The following DGKI variants were observed in gnomAD, a reference collection of about 807,000 sequenced individuals.
DGKI encodes the protein diacylglycerol kinase iota, also known as DAG kinase iota.
A neutral mutation model predicts 147.5 loss-of-function variants in DGKI; 55 were observed. That is an observed-to-expected ratio of 0.37 (90% CI 0.30 to 0.47). The LOEUF (loss-of-function observed/expected upper bound fraction) is 0.47, where lower values mean the gene tolerates loss of function less well. Among genes scored for constraint, DGKI ranks in the 20% least tolerant of loss-of-function variants. The pLI is 1.00. For missense variants in DGKI, 1,007 were observed against 1,323.8 expected (o/e 0.76, Z 3.71); for synonymous variants, 469 against 477.1 (o/e 0.98, Z 0.22).
intron 20 of DGKI, among the ~76,000 whole-genome samples, chr7:137,526,021 T>C (rs1436260270): frequency 6.6e-6 from 1 of 151,990 alleles, no homozygotes; most frequent in Non-Finnish European, 1.5e-5. Flanking sequence ...TCGGGGGAAG[T>C]GCATAGAGAT....
chr7:137,537,661 T>C (rs567761508), intron 20 of DGKI, among the ~76,000 whole-genome samples: 1 of 152,160 alleles, frequency 6.6e-6, no homozygotes, highest in Non-Finnish European at 1.5e-5. Context: ...TGGACAGATT[T>C]CTGCCCCAGA....
chr7:137,652,107 G>C (rs759654006), intron 5 of DGKI, among the ~76,000 whole-genome samples: 1 of 152,138 alleles, frequency 6.6e-6, no homozygotes, highest in Admixed American at 6.5e-5. Context: ...ACAGTTTGTG[G>C]CTAAGGAATG....
intron 1 of DGKI, among the ~76,000 whole-genome samples, chr7:137,697,941 GCTAT>G (rs991878795): frequency 1.3e-5 from 2 of 151,106 alleles, no homozygotes; most frequent in African/African-American, 2.4e-5. Context: ...TGTATATATA[GCTAT>G]CTATCTATCT....
chr7:137,768,855 C>T (rs910954186), intron 1 of DGKI, among the ~76,000 whole-genome samples: 1 of 152,134 alleles, frequency 6.6e-6, no homozygotes. Flanking sequence ...ATTCAATGGT[C>T]TATATGGCGG....
chr7:137,816,404 T>C (rs1025532962), intron 1 of DGKI, among the ~76,000 whole-genome samples: 4 of 152,196 alleles, frequency 2.6e-5, no homozygotes, highest in African/African-American at 9.7e-5. Flanking sequence ...AGTTAATACA[T>C]GCAAAATGCT....
At chr7:137,706,737 T>C (rs1428512109) in intron 1 of DGKI, among the ~76,000 whole-genome samples, 1 of 152,002 alleles carries the variant, frequency 6.6e-6, no homozygotes, top group Non-Finnish European at 1.5e-5. Context: ...CATACCTGGC[T>C]ACTTTTTTGT....
At chr7:137,719,656 T>C (rs981648269) in intron 1 of DGKI, among the ~76,000 whole-genome samples, 1 of 152,220 alleles carries the variant, frequency 6.6e-6, no homozygotes, top group Non-Finnish European at 1.5e-5. Context: ...ATACGTATTA[T>C]ACTTTCAATA....
chr7:137,517,204 A>T (rs1044487737), intron 21 of DGKI, among the ~76,000 whole-genome samples: 11 of 149,480 alleles, frequency 7.4e-5, no homozygotes, highest in Non-Finnish European at 1.5e-5. Context: ...AAAAGAAAAG[A>T]AAAGTAAAGA....
At chr7:137,530,159 G>A (rs908343145) in intron 20 of DGKI, among the ~76,000 whole-genome samples, 2 of 152,136 alleles carry the variant, frequency 1.3e-5, no homozygotes, top group African/African-American at 4.8e-5. Context: ...ATACAATATT[G>A]TTACTTTCTC....
chr7:137,712,110 A>G (rs1342935664), intron 1 of DGKI, among the ~76,000 whole-genome samples: 1 of 152,196 alleles, frequency 6.6e-6, no homozygotes, highest in African/African-American at 2.4e-5. Flanking sequence ...TAAAGATACA[A>G]ATATTTGGTT....
intron 19 of DGKI, among the ~76,000 whole-genome samples, chr7:137,560,526 C>T (rs1408460323): frequency 6.6e-6 from 1 of 152,072 alleles, no homozygotes; most frequent in Non-Finnish European, 1.5e-5. Flanking sequence ...CTACAACCAC[C>T]AAAAATGATG....
chr7:137,828,757 G>C (rs950920815), intron 1 of DGKI, among the ~76,000 whole-genome samples: 15 of 152,166 alleles, frequency 9.9e-5, no homozygotes, highest in African/African-American at 3.6e-4. Context: ...GCTTCCTAAG[G>C]TCTCTCCCCT....
chr7:137,713,659 A>G (rs1045999696), intron 1 of DGKI, among the ~76,000 whole-genome samples: 4 of 152,054 alleles, frequency 2.6e-5, no homozygotes, highest in Admixed American at 6.6e-5. Flanking sequence ...TTTTTATTTT[A>G]GAGACAGGGT....
chr7:137,707,810 G>A (rs1218068086), intron 1 of DGKI, among the ~76,000 whole-genome samples: 1 of 152,124 alleles, frequency 6.6e-6, no homozygotes, highest in Non-Finnish European at 1.5e-5. Flanking sequence ...TTTTTTTATA[G>A]CAAAGTGAGA....
chr7:137,758,622 G>T (rs887640425), intron 1 of DGKI, among the ~76,000 whole-genome samples: 1 of 152,034 alleles, frequency 6.6e-6, no homozygotes, highest in African/African-American at 2.4e-5. Context: ...GGAAGCAGAG[G>T]TTGCAGTGAG....
At chr7:137,807,874 C>T (rs1797430695) in intron 1 of DGKI, among the ~76,000 whole-genome samples, 1 of 152,150 alleles carries the variant, frequency 6.6e-6, no homozygotes, top group African/African-American at 2.4e-5. Context: ...GTCCCCTTGA[C>T]CATGTCTCCC....
intron 6 of DGKI, among the ~76,000 whole-genome samples, chr7:137,630,219 C>G (rs6971485): frequency 0.028 from 4,229 of 152,048 alleles, 177 homozygotes; most frequent in African/African-American, 0.093. Flanking sequence ...TTTTCAGTGC[C>G]CTTACTGTCT....
intron 6 of DGKI, among the ~76,000 whole-genome samples, chr7:137,638,873 T>G (rs1282237087): frequency 6.6e-6 from 1 of 151,798 alleles, no homozygotes; most frequent in Non-Finnish European, 1.5e-5. Flanking sequence ...TTCTAATTTC[T>G]CTCTTAAAAA....
intron 1 of DGKI, among the ~76,000 whole-genome samples, chr7:137,718,057 A>G (rs1794433489): frequency 6.6e-6 from 1 of 152,070 alleles, no homozygotes; most frequent in South Asian, 2.1e-4. Context: ...ATGAGGAGTG[A>G]TGACTCACCC....
Sources: allele counts gnomAD v4.1 joint callset (sites outside exome capture counted in the v4.1 genomes callset), GRCh38; gene constraint gnomAD v4.1.1; transcripts MANE v1.5; gene names NCBI Gene and HGNC (gene_info 2026-07-23, HGNC 2026-07-21).